VWA8: variants seen among roughly 807,000 people sequenced by gnomAD.
VWA8 encodes von Willebrand factor A domain containing 8.
A neutral mutation model predicts 241.5 loss-of-function variants in VWA8; 221 were observed. That is an observed-to-expected ratio of 0.91 (90% CI 0.82 to 1.02). The LOEUF is 1.02. Ranked by LOEUF, VWA8 falls within the 50% of genes least tolerant of loss-of-function variation. VWA8 has a pLI of 0.00. For missense variants in VWA8, 2,322 were observed against 2,328.7 expected (o/e 1.00, Z 0.06); for synonymous variants, 852 against 827.1 (o/e 1.03, Z -0.52).
At chr13:41,927,361 AT>A in intron 2 of VWA8, 2 of 524,008 alleles carry the variant, frequency 3.8e-6, no homozygotes, top group Non-Finnish European at 7.8e-6. Flanking sequence ...GAAAATAATA[AT>A]TGCAAGTTGT....
chr13:41,627,915 T>C (rs2139672318), intron 37 of VWA8, among the ~76,000 whole-genome samples: 1 of 152,186 alleles, frequency 6.6e-6, no homozygotes, highest in East Asian at 1.9e-4. Flanking sequence ...AGTGGGGAGA[T>C]GATGCAGGAA....
At chr13:41,673,277 G>A (rs1431026562) in intron 36 of VWA8, among the ~76,000 whole-genome samples, 1 of 152,180 alleles carries the variant, frequency 6.6e-6, no homozygotes, top group Non-Finnish European at 1.5e-5. Flanking sequence ...TGGCCCTGAA[G>A]CTACATACAG....
intron 12 of VWA8, among the ~76,000 whole-genome samples, chr13:41,852,740 G>C (rs937877352): frequency 6.6e-6 from 1 of 151,940 alleles, no homozygotes. Context: ...TGTGTTCTAG[G>C]CTCCTTTGTT....
chr13:41,696,650 C>T (rs1259523126), intron 29 of VWA8, among the ~76,000 whole-genome samples: 1 of 152,174 alleles, frequency 6.6e-6, no homozygotes, highest in Non-Finnish European at 1.5e-5. Context: ...GAGCTACCCT[C>T]ACTGGGCAGC....
intron 35 of VWA8, among the ~76,000 whole-genome samples, chr13:41,676,782 G>A (rs1452278430): frequency 2.6e-5 from 4 of 152,012 alleles, no homozygotes; most frequent in South Asian, 4.2e-4. Flanking sequence ...ATAGGCACCC[G>A]CCACCAAACC....
intron 16 of VWA8, among the ~76,000 whole-genome samples, chr13:41,813,857 AT>A (rs1252408397): frequency 6.6e-6 from 1 of 152,014 alleles, no homozygotes; most frequent in Non-Finnish European, 1.5e-5. Context: ...TTTATATCAA[AT>A]TTCTAACTGC....
intron 3 of VWA8, among the ~76,000 whole-genome samples, chr13:41,908,291 C>A (rs1236916269): frequency 6.6e-6 from 1 of 152,132 alleles, no homozygotes; most frequent in African/African-American, 2.4e-5. Flanking sequence ...TGTGGTGAAA[C>A]CCTGTCTCTA....
chr13:41,671,638 G>A (rs1308180342), intron 36 of VWA8, among the ~76,000 whole-genome samples: 2 of 152,078 alleles, frequency 1.3e-5, no homozygotes, highest in African/African-American at 4.8e-5. Context: ...AGGCTTAGAT[G>A]AAGTTGTGAG....
intron 37 of VWA8, among the ~76,000 whole-genome samples, chr13:41,633,264 C>A (rs763115572): frequency 6.6e-6 from 1 of 152,122 alleles, no homozygotes; most frequent in African/African-American, 2.4e-5. Flanking sequence ...GATATATAAG[C>A]TGGTATGGAT....
chr13:41,701,258 T>C (rs2045247347), intron 28 of VWA8, 134 bp downstream of exon 28: 2 of 1,126,160 alleles, frequency 1.8e-6, no homozygotes, highest in Admixed American at 6.3e-5. Context: ...CTAAATTACA[T>C]ATAATTGCTA....
At chr13:41,793,799 A>C (rs971470863) in intron 17 of VWA8, among the ~76,000 whole-genome samples, 3 of 152,240 alleles carry the variant, frequency 2.0e-5, no homozygotes, top group African/African-American at 7.2e-5. Context: ...CTGGCGACAG[A>C]GCAAGACTCC....
chr13:41,581,339 T>A (rs2044382333), intron 42 of VWA8, among the ~76,000 whole-genome samples: 1 of 152,188 alleles, frequency 6.6e-6, no homozygotes, highest in African/African-American at 2.4e-5. Context: ...CAATGGCACC[T>A]TTTCCAGAAA....
chr13:41,731,632 G>A (rs1023098711), intron 22 of VWA8, among the ~76,000 whole-genome samples: 3 of 152,188 alleles, frequency 2.0e-5, no homozygotes, highest in Non-Finnish European at 4.4e-5. Flanking sequence ...AATCTGATAC[G>A]GTTTGGCTGT....
At chr13:41,873,662 T>C (rs1167964226) in intron 9 of VWA8, among the ~76,000 whole-genome samples, 1 of 152,058 alleles carries the variant, frequency 6.6e-6, no homozygotes, top group Non-Finnish European at 1.5e-5. Context: ...AATAGACCAA[T>C]AACAGGAGCT....
intron 10 of VWA8, among the ~76,000 whole-genome samples, chr13:41,866,554 T>A (rs1873323998): frequency 6.6e-6 from 1 of 152,132 alleles, no homozygotes; most frequent in East Asian, 1.9e-4. Context: ...CAGCAACTAT[T>A]TTTTCATTTA....
chr13:41,652,659 T>C (rs1566402805), intron 37 of VWA8, among the ~76,000 whole-genome samples: 1 of 152,204 alleles, frequency 6.6e-6, no homozygotes, highest in Non-Finnish European at 1.5e-5. Flanking sequence ...AAATGACTAC[T>C]TAAAACCAAC....
In VWA8 at chr13:41,593,404, T is replaced by C. The variant is rs146247814; in HGVS notation, c.4987-2639A>G. Among the ~76,000 whole-genome samples, 34 of 152,280 alleles carry C rather than the reference T, an allele frequency of 2.2e-4. No individual in the cohort carries two copies. In the East Asian group the frequency reaches 6.4e-3, roughly 29 times the overall value. ...CAGGAAAATGGGTCACTCTGGAGCATAGCTATCATGTAAAACTTGATCAGA... is the reference window on the plus strand; with the variant it reads ...CAGGAAAATGGGTCACTCTGGAGCACAGCTATCATGTAAAACTTGATCAGA... On this transcript the variant is annotated intron_variant, in intron 40 of 44. Coordinates refer to ENST00000379310, the MANE Select transcript of VWA8 (RefSeq NM_015058.2).
intron 37 of VWA8, among the ~76,000 whole-genome samples, chr13:41,647,748 G>C (rs2139685466): frequency 6.6e-6 from 1 of 152,276 alleles, no homozygotes; most frequent in East Asian, 1.9e-4. Flanking sequence ...CTAGCACTTT[G>C]GGAGGCCGAG....
chr13:41,932,175 TA>T (rs147168441), intron 2 of VWA8, among the ~76,000 whole-genome samples: 91 of 148,066 alleles, frequency 6.1e-4, no homozygotes, highest in East Asian at 1.6e-3. Context: ...TGGATATTGT[TA>T]AAAAAAAAAC....
Sources: gnomAD v4.1 joint callset for allele counts (sites outside exome capture counted in the v4.1 genomes callset) on GRCh38, gnomAD v4.1.1 for gene constraint, MANE v1.5 for transcripts, NCBI Gene and HGNC (gene_info 2026-07-23, HGNC 2026-07-21) for gene names.